Variants in PDE1A observed in about 807,000 individuals in gnomAD.
PDE1A encodes the protein dual specificity calcium/calmodulin-dependent 3',5'-cyclic nucleotide phosphodiesterase 1A.
A neutral mutation model predicts 61.7 loss-of-function variants in PDE1A; 35 were observed. That is an observed-to-expected ratio of 0.57 (90% CI 0.43 to 0.75). The LOEUF is 0.75. Among genes scored for constraint, PDE1A ranks in the 30% least tolerant of loss-of-function variants. The pLI, the probability that PDE1A is intolerant of heterozygous loss-of-function variation, is 0.00. For synonymous variants in PDE1A, 232 were observed against 213.2 expected, an observed-to-expected ratio of 1.09 and a Z score of -0.77; for missense variants, 597 against 630.6, an observed-to-expected ratio of 0.95 and a Z score of 0.57.
At chr2:182,452,100 C>A (rs1438394058) in intron 2 of PDE1A, among the ~76,000 whole-genome samples, 2 of 151,832 alleles carry the variant, frequency 1.3e-5, no homozygotes, top group African/African-American at 4.8e-5. Context: ...CAAGAGGTCT[C>A]GAATAAATTT....
At chr2:182,228,563 T>C (rs1203369364) in intron 6 of PDE1A, among the ~76,000 whole-genome samples, 1 of 152,166 alleles carries the variant, frequency 6.6e-6, no homozygotes, top group African/African-American at 2.4e-5. Context: ...AACACATTCA[T>C]ATACATGAAA....
chr2:182,154,432 T>C (rs1204736723), intron 13 of PDE1A, among the ~76,000 whole-genome samples: 1 of 152,198 alleles, frequency 6.6e-6, no homozygotes, highest in Admixed American at 6.5e-5. Context: ...CTCTAAGAAG[T>C]TGATATGGTT....
the PDE1A span, among the ~76,000 whole-genome samples, chr2:182,613,367 C>G: frequency 2.0e-5 from 3 of 152,064 alleles, no homozygotes; most frequent in Non-Finnish European, 4.4e-5. Flanking sequence ...TCAAGAACAT[C>G]TTGGCTAACA....
chr2:182,558,308 T>C, the PDE1A span, among the ~76,000 whole-genome samples: 36 of 152,150 alleles, frequency 2.4e-4, no homozygotes, highest in Admixed American at 1.1e-3. Context: ...ATATATATTA[T>C]GGCGTTTAAG....
At position 182,212,568 on chromosome 2, in the gene PDE1A, G is replaced by A. The variant is rs368574665; in HGVS notation, c.777-6503C>T. 2.0e-4 allele frequency among the ~76,000 whole-genome samples: 31 copies of A among 152,324 alleles called. No homozygotes were observed. The East Asian group carries it at 2.1e-3, about 10-fold the overall frequency. ...AGGTCAGTGGGTGCGCGCACCGTGC[G>A]CAAGCCGAAGCAGGGCGAGGCATTG... On this transcript the variant is annotated intron_variant, in intron 7 of 13. Coordinates refer to ENST00000351439, the Ensembl canonical transcript of PDE1A.
intron 2 of PDE1A, among the ~76,000 whole-genome samples, chr2:182,457,353 T>C (rs940745758): frequency 2.1e-5 from 3 of 141,028 alleles, no homozygotes; most frequent in Admixed American, 7.4e-5. Context: ...TATATGTTTA[T>C]ATTAAGCACT....
the PDE1A span, among the ~76,000 whole-genome samples, chr2:182,598,254 A>G: frequency 6.6e-6 from 1 of 152,182 alleles, no homozygotes. Context: ...AATTATCCTA[A>G]GAAGAAAATT....
intron 2 of PDE1A, among the ~76,000 whole-genome samples, chr2:182,498,064 A>T (rs1407250063): frequency 6.7e-6 from 1 of 149,660 alleles, no homozygotes; most frequent in African/African-American, 2.4e-5. Context: ...AAAAAAAAAA[A>T]AAAAAAAGAC....
At chr2:182,512,295 G>T (rs1689851087) in intron 2 of PDE1A, among the ~76,000 whole-genome samples, 1 of 152,156 alleles carries the variant, frequency 6.6e-6, no homozygotes, top group Non-Finnish European at 1.5e-5. Flanking sequence ...CATGGGCCTG[G>T]TCCCAGGCCC....
chr2:182,664,417 T>C, the PDE1A span, among the ~76,000 whole-genome samples: 6 of 152,274 alleles, frequency 3.9e-5, no homozygotes, highest in East Asian at 1.2e-3. Flanking sequence ...CACATGGCTA[T>C]AAAAAGAGTA....
At chr2:182,557,610 G>A in the PDE1A span, among the ~76,000 whole-genome samples, 1 of 152,102 alleles carries the variant, frequency 6.6e-6, no homozygotes, top group South Asian at 2.1e-4. Flanking sequence ...TACTTGGGAG[G>A]CTGAGGTGGG....
chr2:182,386,302 G>C (rs1052555263), intron 1 of PDE1A, among the ~76,000 whole-genome samples: 1 of 151,910 alleles, frequency 6.6e-6, no homozygotes. Context: ...CTGCTTGGCC[G>C]CCCATCATCT....
At chr2:182,606,168 A>C in the PDE1A span, among the ~76,000 whole-genome samples, 4 of 152,154 alleles carry the variant, frequency 2.6e-5, no homozygotes, top group African/African-American at 9.7e-5. Context: ...GTACGTATGT[A>C]GTTATTTATT....
chr2:182,451,465 G>A (rs553529109), intron 2 of PDE1A, among the ~76,000 whole-genome samples: 6 of 151,670 alleles, frequency 4.0e-5, no homozygotes, highest in Non-Finnish European at 7.4e-5. Flanking sequence ...ACAAAACTAC[G>A]CACACTCCCC....
the PDE1A span, among the ~76,000 whole-genome samples, chr2:182,680,526 GA>G: frequency 6.6e-6 from 1 of 152,082 alleles, no homozygotes; most frequent in Admixed American, 6.6e-5. Flanking sequence ...AAATAGTTAA[GA>G]AATACATAGA....
chr2:182,270,756 T>C (rs974250765), intron 1 of PDE1A, among the ~76,000 whole-genome samples: 11 of 151,346 alleles, frequency 7.3e-5, no homozygotes, highest in Admixed American at 7.2e-4. Flanking sequence ...AATCTGGCCA[T>C]AAGCAGAAGC....
chr2:182,205,915 C>T (rs1245845464), intron 8 of PDE1A, 25 bp downstream of exon 8: 5 of 1,582,736 alleles, frequency 3.2e-6, no homozygotes, highest in Admixed American at 1.8e-5. Flanking sequence ...AATTAAATTT[C>T]CTCTAGGTTT....
intron 1 of PDE1A, among the ~76,000 whole-genome samples, chr2:182,336,121 C>T (rs1697791908): frequency 6.6e-6 from 1 of 152,016 alleles, no homozygotes; most frequent in African/African-American, 2.4e-5. Flanking sequence ...GGAAAAAACA[C>T]ATGGTGAAGA....
chr2:182,521,827 C>T (rs1486582331), intron 2 of PDE1A, among the ~76,000 whole-genome samples: 1 of 152,042 alleles, frequency 6.6e-6, no homozygotes, highest in African/African-American at 2.4e-5. Flanking sequence ...CAAAAAGAAG[C>T]ACAATAAAGT....
Sources: gnomAD v4.1 joint callset for allele counts (sites outside exome capture counted in the v4.1 genomes callset) on GRCh38, gnomAD v4.1.1 for gene constraint, MANE v1.5 for transcripts, NCBI Gene and HGNC (gene_info 2026-07-23, HGNC 2026-07-21) for gene names.